ADAMTSL1: variants seen among roughly 807,000 people sequenced by gnomAD.
ADAMTSL1 encodes the protein ADAMTS like 1.
In ADAMTSL1, 126 loss-of-function variants were observed where a neutral mutation model predicts 201.8. That is an observed-to-expected ratio of 0.62 (90% CI 0.54 to 0.72). The LOEUF is 0.72. ADAMTSL1 is among the 30% of genes least tolerant of loss of function. ADAMTSL1 has a pLI of 0.00. For synonymous variants in ADAMTSL1, 1,121 were observed against 903.4 expected (o/e 1.24, Z -4.32); for missense variants, 2,679 against 2,277.8 (o/e 1.18, Z -3.59).
At chr9:18,578,544 C>A (rs2132394677) in intron 4 of ADAMTSL1, among the ~76,000 whole-genome samples, 1 of 152,320 alleles carries the variant, frequency 6.6e-6, no homozygotes, top group East Asian at 1.9e-4. Flanking sequence ...TAAGCTCCAC[C>A]ACTCATTGGC....
At chr9:18,354,172 A>T (rs1162819298) in intron 2 of ADAMTSL1, among the ~76,000 whole-genome samples, 1 of 151,408 alleles carries the variant, frequency 6.6e-6, no homozygotes. Flanking sequence ...TGGTGTAAAT[A>T]CATATTTATA....
intron 21 of ADAMTSL1, among the ~76,000 whole-genome samples, chr9:18,821,555 G>C (rs1223218165): frequency 6.6e-6 from 1 of 152,302 alleles, no homozygotes; most frequent in Non-Finnish European, 1.5e-5. Flanking sequence ...GGCTCACTGG[G>C]TACTCAGGAA....
At chr9:18,138,420 A>C (rs1420340214) in intron 1 of ADAMTSL1, among the ~76,000 whole-genome samples, 2 of 152,084 alleles carry the variant, frequency 1.3e-5, no homozygotes, top group Non-Finnish European at 1.5e-5. Context: ...ACTTTTAGGG[A>C]GTAACGAACT....
rs192405339 is a variant in ADAMTSL1 at position 18,878,943 on chromosome 9, C to T, written c.4250-8888C>T. On this transcript the variant is annotated intron_variant, in intron 23 of 28. Transcript: ENST00000380548. ...GGATCTCTGAGAGGGCACAATAAGG[C>T]AGCCTCTGAAGTGTGGGAAAAGCAA... 1.5e-3 allele frequency among the ~76,000 whole-genome samples: 223 copies of T among 152,304 alleles called. 1 individual carries two copies. Among genetic ancestry groups the T allele is most frequent in the African/African-American group, 5.2e-3 (216 of 41,574 alleles).
intron 1 of ADAMTSL1, among the ~76,000 whole-genome samples, chr9:18,028,845 C>T (rs1395077470): frequency 6.6e-6 from 1 of 152,106 alleles, no homozygotes. Context: ...TATAAATTAC[C>T]TTGGGCAGTA....
At chr9:18,722,676 C>T (rs1833463864) in intron 15 of ADAMTSL1, among the ~76,000 whole-genome samples, 1 of 152,202 alleles carries the variant, frequency 6.6e-6, no homozygotes, top group Admixed American at 6.5e-5. Context: ...TCCTGCTAGT[C>T]ACCAGAGTTG....
intron 1 of ADAMTSL1, among the ~76,000 whole-genome samples, chr9:18,494,709 T>A (rs1182862294): frequency 6.6e-6 from 1 of 152,234 alleles, no homozygotes; most frequent in Non-Finnish European, 1.5e-5. Context: ...CTATATCCAA[T>A]GGCTCTTCAC....
intron 1 of ADAMTSL1, among the ~76,000 whole-genome samples, chr9:17,991,962 TCTC>T (rs1209889250): frequency 6.6e-6 from 1 of 151,994 alleles, no homozygotes; most frequent in Non-Finnish European, 1.5e-5. Context: ...GGGATGGAGA[TCTC>T]CTAATCACCA....
chr9:18,681,467 C>A, intron 11 of ADAMTSL1: 1 of 159,446 alleles, frequency 6.3e-6, no homozygotes, highest in Non-Finnish European at 1.4e-5. Context: ...AAATACAGTG[C>A]TGGTAGTCAA....
At chr9:18,228,481 C>G (rs995149433) in intron 2 of ADAMTSL1, among the ~76,000 whole-genome samples, 1 of 152,106 alleles carries the variant, frequency 6.6e-6, no homozygotes, top group African/African-American at 2.4e-5. Context: ...AGTGCAATGG[C>G]AAGATCATAG....
In ADAMTSL1 at chr9:18,319,765, T is replaced by C. The variant is rs529578337; in HGVS notation, c.207+155784T>C. Among the ~76,000 whole-genome samples, 72 of 152,326 alleles carry C rather than the reference T, an allele frequency of 4.7e-4. 1 individual carries two copies. In the South Asian group the frequency reaches 0.014, roughly 29 times the overall value. ...AGAGTCTATGGTTGGCAGAATAATG[T>C]TCACCTGCCCTAAAATGTGCACATC... is the stretch of plus-strand genomic sequence containing the variant. On this transcript the variant is annotated intron_variant, in intron 2 of 29. Transcript: ENST00000680146.
chr9:18,592,551 T>C (rs1823993046), intron 4 of ADAMTSL1, among the ~76,000 whole-genome samples: 1 of 152,192 alleles, frequency 6.6e-6, no homozygotes, highest in Non-Finnish European at 1.5e-5. Context: ...GGCCGACCAT[T>C]ATGCTCCTCA....
intron 23 of ADAMTSL1, among the ~76,000 whole-genome samples, chr9:18,854,008 G>A (rs1050986483): frequency 6.6e-6 from 1 of 152,034 alleles, no homozygotes; most frequent in African/African-American, 2.4e-5. Flanking sequence ...TGGAGGTGGG[G>A]GGGTTGTAAT....
intron 2 of ADAMTSL1, among the ~76,000 whole-genome samples, chr9:18,348,867 TA>T (rs1835840705): frequency 1.3e-5 from 2 of 152,206 alleles, no homozygotes; most frequent in Non-Finnish European, 2.9e-5. Flanking sequence ...TACAGTGATA[TA>T]AAACATAACT....
At chr9:18,655,558 A>G (rs1828579788) in intron 7 of ADAMTSL1, among the ~76,000 whole-genome samples, 1 of 152,114 alleles carries the variant, frequency 6.6e-6, no homozygotes. Context: ...TGGCTGTAAG[A>G]AGCTAAGATT....
intron 1 of ADAMTSL1, among the ~76,000 whole-genome samples, chr9:17,963,747 C>G (rs1158975420): frequency 1.3e-5 from 2 of 152,012 alleles, no homozygotes; most frequent in Admixed American, 6.6e-5. Context: ...GTCCCTCTAG[C>G]CTAACAGAAA....
chr9:18,335,698 G>C (rs886550869), intron 2 of ADAMTSL1, among the ~76,000 whole-genome samples: 2 of 152,046 alleles, frequency 1.3e-5, no homozygotes, highest in African/African-American at 4.8e-5. Flanking sequence ...ACAAAAATGT[G>C]AACTATCTAT....
chr9:18,872,208 T>C (rs1827908007), intron 23 of ADAMTSL1, among the ~76,000 whole-genome samples: 2 of 152,294 alleles, frequency 1.3e-5, no homozygotes, highest in Admixed American at 6.5e-5. Flanking sequence ...TAAACAAGTA[T>C]TGGAGAACTG....
rs1830526515 is a variant in ADAMTSL1, at chr9:18,910,237, AATC to A, written c.*1692_*1694del. On this transcript the variant is annotated 3_prime_UTR_variant, in exon 29 of 29. Coordinates refer to ENST00000380548, the MANE Select transcript of ADAMTSL1 (RefSeq NM_001040272.6). ...TTCACCACAAAAACAGGCTCTAAGA[AATC>A]ATGTTACTAAAAAATCAGTGTAAAG... 6.6e-6 allele frequency: 1 copy of A among 152,194 alleles called. No individual in the cohort carries two copies. The highest frequency in any genetic ancestry group is 2.1e-4 in the South Asian group (1 of 4,830). 9.4% of individuals were successfully genotyped at this position (152,194 alleles called of 1,614,324 possible).
Sources: allele counts gnomAD v4.1 joint callset (sites outside exome capture counted in the v4.1 genomes callset), GRCh38; gene constraint gnomAD v4.1.1; transcripts MANE v1.5; gene names NCBI Gene and HGNC (gene_info 2026-07-23, HGNC 2026-07-21).